NSG2: variants seen among roughly 807,000 people sequenced by gnomAD.
NSG2 encodes the protein neuronal vesicle trafficking associated 2, also known as neuronal vesicle trafficking-associated protein 2.
In NSG2, 4 loss-of-function variants were observed where a neutral mutation model predicts 16.9. That is an observed-to-expected ratio of 0.24 (90% CI 0.12 to 0.54). The LOEUF (loss-of-function observed/expected upper bound fraction) is 0.54, where lower values mean the gene tolerates loss of function less well. Ranked by LOEUF, NSG2 falls within the 20% of genes least tolerant of loss-of-function variation. The pLI is 0.95. For synonymous variants in NSG2, 98 were observed against 88.7 expected, an observed-to-expected ratio of 1.11 and a Z score of -0.59; for missense variants, 179 against 221.1, an observed-to-expected ratio of 0.81 and a Z score of 1.21.
At position 174,107,220 on chromosome 5, in the gene NSG2, G is replaced by A. The variant is rs183654574; in HGVS notation, c.325-94G>A. Reference sequence around the variant, plus strand: ...TCACCTGCCCTCTGGCTGACAGCCCGATGCAGCTGCACTCCAGTCAGGGTG... The same window carrying A: ...TCACCTGCCCTCTGGCTGACAGCCCAATGCAGCTGCACTCCAGTCAGGGTG... On this transcript the variant is annotated intron_variant, in intron 4 of 4. Coordinates refer to ENST00000303177, the MANE Select transcript of NSG2 (RefSeq NM_015980.5). This position sits in a 1 kb window ranked among gnomAD's most constrained non-coding sequence, Gnocchi z 4.5. 2.7e-4 allele frequency: 317 copies of A among 1,172,354 alleles called. 3 individuals carry two copies. The East Asian group carries it at 3.5e-3, about 13-fold the overall frequency. The allele number at this position is 1,172,354 out of a possible 1,614,324, so 72.6% of individuals were successfully genotyped here.
intron 3 of NSG2, among the ~76,000 whole-genome samples, chr5:174,090,133 G>A (rs1163877443): frequency 6.6e-6 from 1 of 152,168 alleles, no homozygotes; most frequent in Admixed American, 6.5e-5. Flanking sequence ...ACCATCCCCA[G>A]GTTCAATAAT....
At chr5:174,047,172 A>AG (rs778834419) in intron 2 of NSG2, among the ~76,000 whole-genome samples, 5 of 152,188 alleles carry the variant, frequency 3.3e-5, no homozygotes. Context: ...ATAAGCTTCT[A>AG]GGTGGTGACA....
At chr5:174,097,191 G>A (rs1760811076) in intron 3 of NSG2, among the ~76,000 whole-genome samples, 1 of 152,070 alleles carries the variant, frequency 6.6e-6, no homozygotes, top group African/African-American at 2.4e-5. Context: ...CGCCAACTCT[G>A]TGCTCTATTT....
chr5:174,059,435 T>C (rs146511249), intron 2 of NSG2, among the ~76,000 whole-genome samples: 1 of 152,346 alleles, frequency 6.6e-6, no homozygotes, highest in Non-Finnish European at 1.5e-5. Flanking sequence ...GTTTTTGAGC[T>C]GACTTTTTGC....
intron 3 of NSG2, among the ~76,000 whole-genome samples, chr5:174,090,878 G>A (rs890712153): frequency 6.6e-6 from 1 of 152,152 alleles, no homozygotes; most frequent in Admixed American, 6.5e-5. Context: ...TCTTATCCTT[G>A]CAAGAATTAC....
intron 3 of NSG2, among the ~76,000 whole-genome samples, chr5:174,075,235 A>G (rs1309775873): frequency 6.6e-6 from 1 of 152,172 alleles, no homozygotes; most frequent in Non-Finnish European, 1.5e-5. Flanking sequence ...GCTGGGGATC[A>G]GCATGATTAA....
At chr5:174,065,307 G>A (rs900263289) in intron 3 of NSG2, among the ~76,000 whole-genome samples, 1 of 150,098 alleles carries the variant, frequency 6.7e-6, no homozygotes, top group African/African-American at 2.5e-5. Context: ...CAGCCTGGAT[G>A]ACAGAGCAAG....
In NSG2 at chr5:174,107,548, A is replaced by G. The variant is rs1474956366; in HGVS notation, c.*43A>G. 1 of 1,327,122 alleles carries G rather than the reference A, an allele frequency of 7.5e-7. No homozygotes were observed. Among genetic ancestry groups the G allele is most frequent in the Non-Finnish European group, 1.0e-6 (1 of 1,002,956 alleles). The allele number at this position is 1,327,122 out of a possible 1,614,324, so 82.2% of individuals were successfully genotyped here. Reference sequence around the variant, plus strand: ...AATGGGGGGCGGGGTGGAGAGGAGGACCCCCATTGGCTAAGCCAAGCTCCA... The same window carrying G: ...AATGGGGGGCGGGGTGGAGAGGAGGGCCCCCATTGGCTAAGCCAAGCTCCA... On this transcript the variant is annotated 3_prime_UTR_variant, in exon 5 of 5. Coordinates refer to ENST00000303177, the MANE Select transcript of NSG2 (RefSeq NM_015980.5). This position sits in a 1 kb window ranked among gnomAD's most constrained non-coding sequence, Gnocchi z 4.5.
At chr5:174,087,550 T>C (rs1004462414) in intron 3 of NSG2, among the ~76,000 whole-genome samples, 7 of 151,662 alleles carry the variant, frequency 4.6e-5, no homozygotes, top group Non-Finnish European at 2.9e-5. Flanking sequence ...GAGGCTGAGG[T>C]AGGAGGGTTA....
rs1561659635 is a variant in NSG2 at position 174,046,768 on chromosome 5, A to G, written c.13A>G (p.Asn5Asp). Residue 5 changes from asparagine to aspartate, a missense_variant, in exon 2 of 5, where the codon AAC (asparagine) becomes GAC (aspartate). Coordinates refer to ENST00000303177, the MANE Select transcript of NSG2 (RefSeq NM_015980.5). The stretch of plus-strand genomic sequence containing the variant: ...GAAAGGCGTAAGGATGGTGAAGCTG[A>G]ACAGTAACCCCAGCGAGAAGGGAAC... MVKL[N>D]SNPSEKGTKP... 1 of 1,614,098 alleles carries G rather than the reference A, an allele frequency of 6.2e-7. No homozygotes were observed. The highest frequency in any genetic ancestry group is 8.5e-7 in the Non-Finnish European group (1 of 1,180,024).
intron 3 of NSG2, among the ~76,000 whole-genome samples, chr5:174,092,143 C>A (rs148976744): frequency 9.1e-4 from 139 of 152,344 alleles, no homozygotes; most frequent in Admixed American, 1.5e-3. Context: ...GGATCAGAAT[C>A]TATGTGTACT....
Position 174,046,812 on chromosome 5 carries a change from G to A in NSG2, c.57G>A (p.Glu19=). The change falls in exon 2 of 5, where the codon GAG becomes GAA. Residue 19 remains glutamate (E), a synonymous_variant. Coordinates refer to ENST00000303177, the MANE Select transcript of NSG2 (RefSeq NM_015980.5). ...SEKGTKPPSV[E]DGFQTVPLIT... ...AGGGAACCAAGCCGCCTTCAGTTGA[G>A]GATGGCTTCCAGACCGTCCCTCTCA... 1 of 1,614,094 alleles carries A rather than the reference G, an allele frequency of 6.2e-7. No individual in the cohort carries two copies. The highest frequency in any genetic ancestry group is 8.5e-7 in the Non-Finnish European group (1 of 1,180,002).
At chr5:174,081,933 C>T (rs980424431) in intron 3 of NSG2, among the ~76,000 whole-genome samples, 14 of 146,484 alleles carry the variant, frequency 9.6e-5, no homozygotes, top group Non-Finnish European at 1.7e-4. Context: ...ATGCATTTTT[C>T]TTTCTCCATG....
At position 174,045,781 on chromosome 5, in the gene NSG2, T is replaced by G. The variant is rs1040867408; in HGVS notation, c.-85T>G. 1 of 152,430 alleles carries G rather than the reference T, an allele frequency of 6.6e-6. No homozygotes were observed. The allele number at this position is 152,430 out of a possible 1,614,324, so 9.4% of individuals were successfully genotyped here. On this transcript the variant is annotated 5_prime_UTR_variant, in exon 1 of 5. Coordinates refer to ENST00000303177, the MANE Select transcript of NSG2 (RefSeq NM_015980.5). Reference sequence around the variant, plus strand: ...GCTCGGGCTGAGGAGGGAGGACTCCTGGCCGTCCTCCTCCTCTTCAAATTG... The same window carrying G: ...GCTCGGGCTGAGGAGGGAGGACTCCGGGCCGTCCTCCTCCTCTTCAAATTG...
chr5:174,073,689 A>G (rs1242605307), intron 3 of NSG2, among the ~76,000 whole-genome samples: 1 of 152,200 alleles, frequency 6.6e-6, no homozygotes, highest in Non-Finnish European at 1.5e-5. Context: ...TTCCTCTGAG[A>G]CAGAAAACAC....
In NSG2 at chr5:174,108,228, C is replaced by T. The variant is rs889176528; in HGVS notation, c.*723C>T. The T allele has an allele frequency of 6.2e-6, 1 of 161,452 alleles. No individual in the cohort carries two copies. The highest frequency in any genetic ancestry group is 1.4e-5 in the Non-Finnish European group (1 of 73,176). 10.0% of individuals were successfully genotyped at this position (161,452 alleles called of 1,614,324 possible). ...CACCCTGCGACGGTGGGTTCTGCAT[C>T]AGCAAACGCTGAGGAGTGGGCAGAT... On this transcript the variant is annotated 3_prime_UTR_variant, in exon 5 of 5. Coordinates refer to ENST00000303177, the MANE Select transcript of NSG2 (RefSeq NM_015980.5).
chr5:174,080,577 T>G (rs1760442764), intron 3 of NSG2, among the ~76,000 whole-genome samples: 1 of 128,598 alleles, frequency 7.8e-6, no homozygotes, highest in Non-Finnish European at 1.7e-5. Context: ...CTTTCTTTTC[T>G]TTCTTGACAG....
At chr5:174,094,892 C>A (rs1318711708) in intron 3 of NSG2, among the ~76,000 whole-genome samples, 1 of 152,178 alleles carries the variant, frequency 6.6e-6, no homozygotes, top group African/African-American at 2.4e-5. Context: ...CTATCCCATG[C>A]CAGGTCATGA....
At chr5:174,051,455 C>G (rs765674426) in intron 2 of NSG2, among the ~76,000 whole-genome samples, 3 of 152,182 alleles carry the variant, frequency 2.0e-5, no homozygotes, top group Non-Finnish European at 4.4e-5. Context: ...CAGACAGCAC[C>G]TCTCCTGAAT....
Sources: allele counts gnomAD v4.1 joint callset (sites outside exome capture counted in the v4.1 genomes callset), GRCh38; gene constraint gnomAD v4.1.1; non-coding constraint Gnocchi (gnomAD v3.1); transcripts MANE v1.5; gene names NCBI Gene and HGNC (gene_info 2026-07-23, HGNC 2026-07-21).